CCSER1: variants seen among roughly 807,000 people sequenced by gnomAD.
CCSER1 encodes the protein coiled-coil serine rich protein 1, also known as serine-rich coiled-coil domain-containing protein 1.
CCSER1 carries 41 observed loss-of-function variants against 82.0 expected under a neutral mutation model. The ratio of observed to expected loss-of-function variants is 0.50; its 90% CI spans 0.39 to 0.65. The LOEUF (loss-of-function observed/expected upper bound fraction) is 0.65, where lower values mean the gene tolerates loss of function less well. Ranked by LOEUF, CCSER1 falls within the 30% of genes least tolerant of loss-of-function variation. The pLI is 0.00. For synonymous variants in CCSER1, 414 were observed against 383.9 expected (o/e 1.08, Z -0.92); for missense variants, 1,119 against 1,064.2 (o/e 1.05, Z -0.72).
intron 10 of CCSER1, among the ~76,000 whole-genome samples, chr4:91,268,584 C>A (rs1741789635): frequency 6.6e-6 from 1 of 152,098 alleles, no homozygotes. Context: ...ACCAAACAGG[C>A]TTTGTGTGAG....
intron 10 of CCSER1, among the ~76,000 whole-genome samples, chr4:91,218,935 C>G (rs1368282429): frequency 6.6e-6 from 1 of 152,146 alleles, no homozygotes; most frequent in Non-Finnish European, 1.5e-5. Context: ...CCTAAAGCAA[C>G]TGTGGCCATT....
chr4:90,468,250 A>G lies in CCSER1; in HGVS notation c.1620A>G (p.Ser540=). Residue 540 remains serine (S), a synonymous_variant, in exon 5 of 11, where the codon TCA becomes TCG. Transcript: ENST00000509176. The part of the protein sequence containing the change: ...SLHPSVCRED[S]YHSVVSCAAV... ...TTTGAACAGTTTGCCGGGAGGACTC[A>G]TATCACTCTGTCGTCTCATGTGCCG... is the stretch of plus-strand genomic sequence containing the variant. 1.2e-6 allele frequency: 2 copies of G among 1,602,802 alleles called. No homozygotes were observed. Among genetic ancestry groups the G allele is most frequent in the Non-Finnish European group, 1.7e-6 (2 of 1,173,564 alleles).
At chr4:90,957,632 A>G (rs1478142385) in intron 9 of CCSER1, among the ~76,000 whole-genome samples, 3 of 127,312 alleles carry the variant, frequency 2.4e-5, no homozygotes, top group Non-Finnish European at 4.9e-5. Flanking sequence ...TATATATTCT[A>G]TATAATATAT....
chr4:90,195,005 G>A (rs6841431), intron 1 of CCSER1, among the ~76,000 whole-genome samples: 20,579 of 152,040 alleles, frequency 0.14, 1,700 homozygotes, highest in East Asian at 0.3. Context: ...CATTGCCTGT[G>A]TAATCACCTT....
At chr4:91,544,000 C>A (rs1048522186) in intron 10 of CCSER1, among the ~76,000 whole-genome samples, 3 of 152,186 alleles carry the variant, frequency 2.0e-5, no homozygotes, top group Non-Finnish European at 2.9e-5. Context: ...TTGTTGGTTT[C>A]TTTTTACTGT....
At chr4:91,243,821 C>T (rs1397303091) in intron 10 of CCSER1, among the ~76,000 whole-genome samples, 1 of 152,100 alleles carries the variant, frequency 6.6e-6, no homozygotes, top group African/African-American at 2.4e-5. Context: ...TCAAGGGTGA[C>T]CTAGCACGTT....
At chr4:90,692,875 A>G (rs191032615) in intron 6 of CCSER1, among the ~76,000 whole-genome samples, 57 of 152,124 alleles carry the variant, frequency 3.7e-4, no homozygotes, top group Admixed American at 3.4e-3. Context: ...TTCAGATATA[A>G]TAGATGGGCT....
At chr4:91,377,341 G>A (rs539867508) in intron 10 of CCSER1, among the ~76,000 whole-genome samples, 44 of 152,232 alleles carry the variant, frequency 2.9e-4, no homozygotes, top group Middle Eastern at 3.4e-3. Context: ...TTCCACAATG[G>A]TTGAACTAGT....
At chr4:91,451,137 C>T (rs1755849759) in intron 10 of CCSER1, among the ~76,000 whole-genome samples, 1 of 151,978 alleles carries the variant, frequency 6.6e-6, no homozygotes, top group Admixed American at 6.6e-5. Context: ...AGGGGAACCC[C>T]AGCTTGTTTG....
intron 1 of CCSER1, among the ~76,000 whole-genome samples, chr4:90,169,495 C>A (rs1407999353): frequency 2.6e-5 from 4 of 152,034 alleles, no homozygotes; most frequent in African/African-American, 9.7e-5. Flanking sequence ...TTGCCCTGGC[C>A]AGAACTTCCA....
At chr4:90,620,815 C>T (rs937206437) in intron 5 of CCSER1, among the ~76,000 whole-genome samples, 76 of 151,980 alleles carry the variant, frequency 5.0e-4, no homozygotes, top group African/African-American at 1.7e-3. Flanking sequence ...TTCTTTCTTT[C>T]TTTTATTTTT....
At chr4:90,290,099 ATTTATC>A (rs1226337661) in intron 1 of CCSER1, among the ~76,000 whole-genome samples, 4 of 151,914 alleles carry the variant, frequency 2.6e-5, no homozygotes, top group Non-Finnish European at 5.9e-5. Context: ...TATCTTAAAT[ATTTATC>A]TTTATTTTTA....
At chr4:91,505,099 C>A (rs1395146597) in intron 10 of CCSER1, among the ~76,000 whole-genome samples, 1 of 152,094 alleles carries the variant, frequency 6.6e-6, no homozygotes, top group Non-Finnish European at 1.5e-5. Context: ...CCTTCCCCTA[C>A]CCCACTGACA....
At chr4:90,940,592 G>A (rs1159419251) in intron 9 of CCSER1, among the ~76,000 whole-genome samples, 1 of 151,928 alleles carries the variant, frequency 6.6e-6, no homozygotes, top group Non-Finnish European at 1.5e-5. Context: ...TGTAATTTTT[G>A]TGCTATATTC....
At chr4:90,632,381 T>G (rs1260707923) in intron 6 of CCSER1, among the ~76,000 whole-genome samples, 1 of 152,062 alleles carries the variant, frequency 6.6e-6, no homozygotes, top group African/African-American at 2.4e-5. Flanking sequence ...TGGCACTTAG[T>G]AATTCTTCCA....
intron 6 of CCSER1, among the ~76,000 whole-genome samples, chr4:90,707,504 T>C (rs897447151): frequency 6.8e-6 from 1 of 146,800 alleles, no homozygotes; most frequent in Non-Finnish European, 1.5e-5. Context: ...ATCCAAACTA[T>C]GAGGAAATTC....
intron 10 of CCSER1, among the ~76,000 whole-genome samples, chr4:91,268,583 G>T (rs1473590444): frequency 1.3e-5 from 2 of 152,126 alleles, no homozygotes; most frequent in Admixed American, 1.3e-4. Flanking sequence ...CACCAAACAG[G>T]CTTTGTGTGA....
chr4:90,337,130 T>C (rs1201360152), intron 3 of CCSER1, among the ~76,000 whole-genome samples: 1 of 152,168 alleles, frequency 6.6e-6, no homozygotes, highest in East Asian at 1.9e-4. Context: ...ATTATGTTTG[T>C]AAAAGGTGGT....
chr4:90,508,539 C>T (rs1172960725), intron 5 of CCSER1, among the ~76,000 whole-genome samples: 1 of 152,000 alleles, frequency 6.6e-6, no homozygotes, highest in Non-Finnish European at 1.5e-5. Flanking sequence ...GGCCTAACCT[C>T]CCTCAAGAAA....
Sources: allele counts gnomAD v4.1 joint callset (sites outside exome capture counted in the v4.1 genomes callset), GRCh38; gene constraint gnomAD v4.1.1; transcripts MANE v1.5; gene names NCBI Gene and HGNC (gene_info 2026-07-23, HGNC 2026-07-21).